The following ARMC2 variants were observed in gnomAD, a reference collection of about 807,000 sequenced individuals.
ARMC2 encodes the protein armadillo repeat containing 2, also known as armadillo repeat-containing protein 2.
In ARMC2, 67 loss-of-function variants were observed where a neutral mutation model predicts 90.3. The ratio of observed to expected loss-of-function variants is 0.74; its 90% CI spans 0.61 to 0.91. The LOEUF (loss-of-function observed/expected upper bound fraction) is 0.91, where lower values mean the gene tolerates loss of function less well. Among genes scored for constraint, ARMC2 ranks in the 40% least tolerant of loss-of-function variants. The pLI is 0.00. For synonymous variants in ARMC2, 393 were observed against 393.0 expected (o/e 1.00, Z 0.00); for missense variants, 920 against 1,030.9 (o/e 0.89, Z 1.47).
At chr6:108,876,756 T>G (rs1207628280) in intron 5 of ARMC2, among the ~76,000 whole-genome samples, 1 of 152,240 alleles carries the variant, frequency 6.6e-6, no homozygotes, top group Non-Finnish European at 1.5e-5. Context: ...ACACTTATTT[T>G]ATTCTTCAGT....
At chr6:108,921,953 G>T (rs1194611538) in intron 10 of ARMC2, among the ~76,000 whole-genome samples, 3 of 152,198 alleles carry the variant, frequency 2.0e-5, no homozygotes, top group Non-Finnish European at 4.4e-5. Flanking sequence ...ACTGAGGCCA[G>T]GGCACTAGCC....
intron 7 of ARMC2, among the ~76,000 whole-genome samples, chr6:108,900,541 C>T (rs989940320): frequency 1.3e-5 from 2 of 152,158 alleles, no homozygotes; most frequent in African/African-American, 4.8e-5. Flanking sequence ...GATGAGCAAA[C>T]CAGCTTGGTA....
the ARMC2 span, among the ~76,000 whole-genome samples, chr6:109,031,957 A>C: frequency 4.6e-5 from 7 of 152,198 alleles, no homozygotes; most frequent in Non-Finnish European, 8.8e-5. Flanking sequence ...TACACCTTAT[A>C]CACATATCTT....
chr6:108,918,665 G>C (rs925265754), intron 10 of ARMC2, among the ~76,000 whole-genome samples: 11 of 152,050 alleles, frequency 7.2e-5, no homozygotes, highest in African/African-American at 2.7e-4. Context: ...CCGCACTGGA[G>C]CCCCCAGCAT....
chr6:108,971,616 T>C (rs1045824230), intron 17 of ARMC2, among the ~76,000 whole-genome samples: 1 of 152,008 alleles, frequency 6.6e-6, no homozygotes, highest in South Asian at 2.1e-4. Flanking sequence ...GGATTTTCAT[T>C]GGCCCTTAAA....
chr6:108,915,923 G>A (rs965402), intron 10 of ARMC2, among the ~76,000 whole-genome samples: 33,590 of 152,118 alleles, frequency 0.22, 3,994 homozygotes, highest in East Asian at 0.35. Context: ...GAACGTATCC[G>A]TGATACATGA....
At chr6:108,874,075 G>A (rs1278372870) in intron 4 of ARMC2, among the ~76,000 whole-genome samples, 1 of 152,132 alleles carries the variant, frequency 6.6e-6, no homozygotes, top group African/African-American at 2.4e-5. Flanking sequence ...GTTTACCCAC[G>A]ATCCATTACA....
chr6:108,959,838 A>G (rs1777862363), intron 13 of ARMC2, among the ~76,000 whole-genome samples: 1 of 151,968 alleles, frequency 6.6e-6, no homozygotes. Context: ...GGCTTGTGCC[A>G]TCAAGTCTGG....
intron 5 of ARMC2, among the ~76,000 whole-genome samples, chr6:108,892,344 C>A (rs767621775): frequency 6.6e-6 from 1 of 152,030 alleles, no homozygotes; most frequent in Non-Finnish European, 1.5e-5. Flanking sequence ...CATTTGCTAT[C>A]GTATTTTTAT....
intron 7 of ARMC2, among the ~76,000 whole-genome samples, chr6:108,901,775 A>G (rs1267668811): frequency 1.3e-5 from 2 of 152,224 alleles, no homozygotes; most frequent in Non-Finnish European, 2.9e-5. Flanking sequence ...ACCATACAAT[A>G]CTATAAAAAT....
At chr6:108,924,656 G>A (rs1774942485) in intron 10 of ARMC2, among the ~76,000 whole-genome samples, 1 of 152,156 alleles carries the variant, frequency 6.6e-6, no homozygotes, top group Non-Finnish European at 1.5e-5. Context: ...GGGTGGTGCC[G>A]AGGCAAAGGA....
rs80024636 is a variant in ARMC2, at chr6:108,853,938, T to C, written c.-43-287T>C. Among the ~76,000 whole-genome samples the C allele has an allele frequency of 3.6e-3, 551 of 152,246 alleles. 4 individuals are homozygous for C. Among genetic ancestry groups the C allele is most frequent in the East Asian group, 0.025 (131 of 5,158 alleles). On this transcript the variant is annotated intron_variant, in intron 1 of 17. Coordinates refer to ENST00000392644, the MANE Select transcript of ARMC2 (RefSeq NM_032131.6). Reference sequence around the variant, plus strand: ...TTGTAGGCTGAAGACCATGAGATGATTCGCTCTTCCTATTCTGTCTTCTTT... The same window carrying C: ...TTGTAGGCTGAAGACCATGAGATGACTCGCTCTTCCTATTCTGTCTTCTTT...
intron 1 of ARMC2, among the ~76,000 whole-genome samples, chr6:108,851,827 G>A (rs927096155): frequency 6.6e-6 from 1 of 152,116 alleles, no homozygotes; most frequent in Non-Finnish European, 1.5e-5. Flanking sequence ...TTGTTGTGGG[G>A]TTAATTGAGA....
chr6:108,891,592 T>TG (rs757106544), intron 5 of ARMC2, among the ~76,000 whole-genome samples: 12 of 152,084 alleles, frequency 7.9e-5, no homozygotes, highest in East Asian at 1.9e-4. Context: ...CACTTTTTGA[T>TG]GGAATTTTTT....
At chr6:109,050,679 T>C in the ARMC2 span, among the ~76,000 whole-genome samples, 1 of 152,180 alleles carries the variant, frequency 6.6e-6, no homozygotes, top group Non-Finnish European at 1.5e-5. Flanking sequence ...ACATAATCCT[T>C]AGGTCTCTCA....
At chr6:108,972,809 C>CATGTA (rs1467199926) in intron 17 of ARMC2, among the ~76,000 whole-genome samples, 2 of 151,614 alleles carry the variant, frequency 1.3e-5, no homozygotes, top group East Asian at 3.9e-4. Context: ...GGACCACAGG[C>CATGTA]ACATGCCCCC....
chr6:108,894,674 T>C (rs1288152180), intron 6 of ARMC2, 131 bp downstream of exon 6: 1 of 667,722 alleles, frequency 1.5e-6, no homozygotes, highest in African/African-American at 1.9e-5. Context: ...TCAACATTTA[T>C]TTTTATACAT....
chr6:108,956,947 G>A (rs542548543), intron 13 of ARMC2, among the ~76,000 whole-genome samples: 15 of 152,302 alleles, frequency 9.8e-5, no homozygotes, highest in East Asian at 5.8e-4. Flanking sequence ...AGCCAAGATC[G>A]TACTGTTGCA....
chr6:108,954,292 G>C (rs539220332), intron 13 of ARMC2, among the ~76,000 whole-genome samples: 1 of 152,322 alleles, frequency 6.6e-6, no homozygotes, highest in South Asian at 2.1e-4. Flanking sequence ...CTGCCTGCTA[G>C]TGTGTAGGAA....
Sources: gnomAD v4.1 joint callset for allele counts (sites outside exome capture counted in the v4.1 genomes callset) on GRCh38, gnomAD v4.1.1 for gene constraint, MANE v1.5 for transcripts, NCBI Gene and HGNC (gene_info 2026-07-23, HGNC 2026-07-21) for gene names.